GAD2: variants seen among roughly 807,000 people sequenced by gnomAD.
GAD2 encodes glutamate decarboxylase 2, also known as 65 kDa glutamic acid decarboxylase.
A neutral mutation model predicts 80.1 loss-of-function variants in GAD2; 22 were observed. The observed-to-expected ratio is 0.27, with a 90% CI of 0.20 to 0.39. GAD2 has a LOEUF of 0.39. Ranked by LOEUF, GAD2 falls within the 10% of genes least tolerant of loss-of-function variation. The probability of loss-of-function intolerance (pLI) is 1.00; values close to 1 mark genes in which losing one functional copy is unlikely to be tolerated. For synonymous variants in GAD2, 274 were observed against 256.9 expected (o/e 1.07, Z -0.64); for missense variants, 624 against 738.4 (o/e 0.85, Z 1.80).
intron 6 of GAD2, among the ~76,000 whole-genome samples, chr10:26,227,332 A>G (rs1473925866): frequency 1.3e-5 from 2 of 152,186 alleles, no homozygotes; most frequent in East Asian, 1.9e-4. Flanking sequence ...ATTTGTCCTC[A>G]TGCCTCTGTT....
intron 8 of GAD2, among the ~76,000 whole-genome samples, chr10:26,266,383 A>G (rs1845074091): frequency 6.6e-6 from 1 of 152,230 alleles, no homozygotes; most frequent in Non-Finnish European, 1.5e-5. Context: ...CCAGCGTTCT[A>G]AGGTAATCCG....
At chr10:26,218,687 C>T (rs1844415446) in intron 3 of GAD2, among the ~76,000 whole-genome samples, 1 of 151,906 alleles carries the variant, frequency 6.6e-6, no homozygotes, top group Non-Finnish European at 1.5e-5. Flanking sequence ...ACACTTCTGA[C>T]GTGAAATATT....
intron 8 of GAD2, among the ~76,000 whole-genome samples, chr10:26,268,198 G>A (rs1302799372): frequency 1.3e-5 from 2 of 152,236 alleles, no homozygotes; most frequent in East Asian, 3.8e-4. Flanking sequence ...GCCGGGCACG[G>A]TGGCTTACGC....
At chr10:26,299,411 T>C (rs1834306499) in intron 15 of GAD2, among the ~76,000 whole-genome samples, 1 of 152,218 alleles carries the variant, frequency 6.6e-6, no homozygotes, top group African/African-American at 2.4e-5. Flanking sequence ...AAAGTTTCTC[T>C]GATGTCTATC....
At chr10:26,298,946 C>A (rs982876915) in intron 15 of GAD2, among the ~76,000 whole-genome samples, 3 of 152,100 alleles carry the variant, frequency 2.0e-5, no homozygotes, top group African/African-American at 7.2e-5. Flanking sequence ...GGGATGAGTC[C>A]AGTGCTCTGC....
intron 9 of GAD2, 50 bp downstream of exon 9, chr10:26,269,223 A>G: frequency 1.4e-6 from 2 of 1,439,744 alleles, no homozygotes; most frequent in Non-Finnish European, 1.9e-6. Flanking sequence ...ATTTCCATCC[A>G]CCGGAGAACA....
intron 7 of GAD2, among the ~76,000 whole-genome samples, chr10:26,242,857 C>T (rs1315420026): frequency 1.3e-5 from 2 of 152,172 alleles, no homozygotes; most frequent in Non-Finnish European, 2.9e-5. Flanking sequence ...TCTTACTTAT[C>T]CCCAGTTCGC....
chr10:26,217,692 G>T lies in GAD2; in HGVS notation c.136+23G>T. The T allele has an allele frequency of 6.2e-7, 1 of 1,610,804 alleles. No individual in the cohort carries two copies. Among genetic ancestry groups the T allele is most frequent in the Non-Finnish European group, 8.5e-7 (1 of 1,178,398 alleles). On this transcript the variant is annotated intron_variant, in intron 2 of 15. Coordinates refer to ENST00000376261, the MANE Select transcript of GAD2 (RefSeq NM_001134366.2). The surrounding 1 kb of genome is among the most constrained non-coding windows in gnomAD (Gnocchi z 4.9). ...GCGGTGAGTGCCCAGGGACCGGGGC[G>T]GCCAAGGTCGGCCCGCGGGGTCCAA...
At position 26,285,253 on chromosome 10, in the gene GAD2, C is replaced by G. The variant is rs8190763; in HGVS notation, c.1237-1092C>G. 2.5e-3 allele frequency among the ~76,000 whole-genome samples: 378 copies of G among 152,230 alleles called. 2 individuals are homozygous for G. Among genetic ancestry groups the G allele is most frequent in the Non-Finnish European group, 2.4e-3 (165 of 68,012 alleles). Reference sequence around the variant, plus strand: ...TCTGTTGTCTACCATTTCAGCACTCCGTCTTTCAAAACCAAATTAAAATTG... The same window carrying G: ...TCTGTTGTCTACCATTTCAGCACTCGGTCTTTCAAAACCAAATTAAAATTG... On this transcript the variant is annotated intron_variant, in intron 12 of 15. Transcript: ENST00000376261.
At position 26,297,872 on chromosome 10, in the gene GAD2, T is replaced by A. The variant is rs140031486; in HGVS notation, c.1585-2916T>A. ...GTTTTGGGGGAAAGCTATCCATATT[T>A]ATGAGGGGAGCTGAGCACATGCAGA... is the stretch of plus-strand genomic sequence containing the variant. On this transcript the variant is annotated intron_variant, in intron 15 of 15. Transcript: ENST00000376261. Among the ~76,000 whole-genome samples the A allele has an allele frequency of 1.5e-3, 227 of 152,280 alleles. 1 individual carries two copies. Among genetic ancestry groups the A allele is most frequent in the African/African-American group, 5.4e-3 (223 of 41,548 alleles).
chr10:26,289,788 C>T (rs1206215193), intron 13 of GAD2, among the ~76,000 whole-genome samples: 2 of 144,526 alleles, frequency 1.4e-5, no homozygotes, highest in African/African-American at 2.7e-5. Context: ...ACATCTCCCC[C>T]CCACCTTTTT....
chr10:26,280,649 G>T (rs563419420), intron 11 of GAD2, among the ~76,000 whole-genome samples: 1 of 152,102 alleles, frequency 6.6e-6, no homozygotes, highest in South Asian at 2.1e-4. Flanking sequence ...GTGATTTTGG[G>T]GGTCCGAGAT....
chr10:26,257,924 A>G (rs1844962848), intron 8 of GAD2, among the ~76,000 whole-genome samples: 1 of 152,208 alleles, frequency 6.6e-6, no homozygotes, highest in African/African-American at 2.4e-5. Flanking sequence ...GTAGTGGGAT[A>G]GACTTCACAG....
At chr10:26,235,188 T>C (rs12267286) in intron 7 of GAD2, among the ~76,000 whole-genome samples, 31,562 of 152,196 alleles carry the variant, frequency 0.21, 6,142 homozygotes, top group African/African-American at 0.52. Context: ...TAGTTATTCT[T>C]GTGCTAATTT....
chr10:26,292,032 T>C (rs984255330), intron 13 of GAD2, among the ~76,000 whole-genome samples: 6 of 152,160 alleles, frequency 3.9e-5, no homozygotes, highest in Non-Finnish European at 7.3e-5. Flanking sequence ...CAGACAAAGA[T>C]GGGCTCTGGG....
intron 12 of GAD2, among the ~76,000 whole-genome samples, chr10:26,284,808 A>T (rs145733492): frequency 0.049 from 7,377 of 152,034 alleles, 594 homozygotes; most frequent in African/African-American, 0.17. Flanking sequence ...TGACCTTGTG[A>T]TCCACCCGCC....
intron 10 of GAD2, 52 bp from the exon 11 acceptor site, chr10:26,273,584 A>T: frequency 6.9e-7 from 1 of 1,456,744 alleles, no homozygotes; most frequent in South Asian, 1.1e-5. Context: ...AGACTATAGA[A>T]ATCTAGGCAA....
At chr10:26,222,636 A>G (rs1041922939) in intron 4 of GAD2, among the ~76,000 whole-genome samples, 2 of 152,180 alleles carry the variant, frequency 1.3e-5, no homozygotes, top group African/African-American at 4.8e-5. Flanking sequence ...AGGACATAAA[A>G]CAATGCTGGA....
At chr10:26,288,943 C>G (rs1205387807) in intron 13 of GAD2, among the ~76,000 whole-genome samples, 1 of 152,072 alleles carries the variant, frequency 6.6e-6, no homozygotes, top group African/African-American at 2.4e-5. Flanking sequence ...ATGAAGGCAC[C>G]AGGGAAGGGG....
Sources: allele counts gnomAD v4.1 joint callset (sites outside exome capture counted in the v4.1 genomes callset), GRCh38; gene constraint gnomAD v4.1.1; non-coding constraint Gnocchi (gnomAD v3.1); transcripts MANE v1.5; gene names NCBI Gene and HGNC (gene_info 2026-07-23, HGNC 2026-07-21).